The following NR2F2 variants were observed in gnomAD, a reference collection of about 807,000 sequenced individuals.
NR2F2 encodes COUP transcription factor 2.
Under a neutral mutation model 34.8 loss-of-function variants are expected in NR2F2, and 2 were observed. That is an observed-to-expected ratio of 0.06 (90% CI 0.02 to 0.18). The LOEUF is 0.18. NR2F2 is among the 10% of genes least tolerant of loss of function. The pLI, the probability that NR2F2 is intolerant of heterozygous loss-of-function variation, is 1.00. For missense variants in NR2F2, 300 were observed against 580.1 expected (o/e 0.52, Z 4.96); for synonymous variants, 274 against 251.8 (o/e 1.09, Z -0.84).
At chr15:96,329,839 A>G (rs913315660), upstream of NR2F2, among the ~76,000 whole-genome samples, 2 of 152,086 alleles carry the variant, frequency 1.3e-5, no homozygotes, top group African/African-American at 2.4e-5. Flanking sequence ...CATCATGACA[A>G]TCAGATGAAG....
intron 2 of NR2F2, among the ~76,000 whole-genome samples, chr15:96,335,641 G>C (rs752289724): frequency 5.9e-5 from 9 of 152,188 alleles, no homozygotes; most frequent in Non-Finnish European, 1.3e-4. Context: ...GACGTTAGCA[G>C]GGCTTGGAAC....
At chr15:96,336,857 G>A (rs1462736982) in intron 2 of NR2F2, among the ~76,000 whole-genome samples, 1 of 152,166 alleles carries the variant, frequency 6.6e-6, no homozygotes, top group Non-Finnish European at 1.5e-5. Context: ...GGGGGAATCT[G>A]AGGCTGGATC....
At chr15:96,326,513 A>G (rs1453589660), upstream of NR2F2, among the ~76,000 whole-genome samples, 1 of 150,382 alleles carries the variant, frequency 6.6e-6, no homozygotes, top group African/African-American at 2.5e-5. The surrounding 1 kb of genome is among the most constrained non-coding windows in gnomAD (Gnocchi z 5.5). Flanking sequence ...GGAAGGGGGG[A>G]TCAGAGTCAA....
At position 96,339,646 on chromosome 15, in the gene NR2F2, G is replaced by C. The variant is rs1899441417; in HGVS notation, c.*2024G>C. The C allele has an allele frequency of 6.7e-6, 1 of 150,250 alleles. No homozygotes were observed. 9.3% of individuals were successfully genotyped at this position (150,250 alleles called of 1,614,324 possible). On this transcript the variant is annotated 3_prime_UTR_variant, in exon 3 of 3. Transcript: ENST00000394166. The stretch of plus-strand genomic sequence containing the variant: ...GAAGAGAAAGCAGGACAGAGAAAAA[G>C]AAAGAAGGAAGGAGGGAAACTTTAC...
Position 96,337,305 on chromosome 15 carries a change from CTTT to C in NR2F2, c.971-40_971-38del, listed in dbSNP as rs756140438. 30 of 1,489,868 alleles carry C rather than the reference CTTT, an allele frequency of 2.0e-5. No homozygotes were observed. The African/African-American group carries it at 2.4e-4, about 12-fold the overall frequency. 92.3% of individuals were successfully genotyped at this position (1,489,868 alleles called of 1,614,324 possible). A position where few individuals can be genotyped will look rare whatever the true frequency, so the allele number is the denominator to read the frequency against. Reference sequence around the variant, plus strand: ...AATTCTTCTTCTTCTTCTTCTTCTTCTTTTTCTTCTTCTTCTTCTTCTGTTTTT... The same window carrying C: ...AATTCTTCTTCTTCTTCTTCTTCTTCTTCTTCTTCTTCTTCTTCTGTTTTT... On this transcript the variant is annotated intron_variant, in intron 2 of 2. Coordinates refer to ENST00000394166, the MANE Select transcript of NR2F2 (RefSeq NM_021005.4).
Position 96,338,480 on chromosome 15 carries a change from G to C in NR2F2, c.*858G>C, listed in dbSNP as rs1899399888. On this transcript the variant is annotated 3_prime_UTR_variant, in exon 3 of 3. Coordinates refer to ENST00000394166, the MANE Select transcript of NR2F2 (RefSeq NM_021005.4). Reference sequence around the variant, plus strand: ...ACTTTTGTAATTTGAATTGGGTCCCGCTTAGTTCTTGAATTGTTATGAAAA... The same window carrying C: ...ACTTTTGTAATTTGAATTGGGTCCCCCTTAGTTCTTGAATTGTTATGAAAA... 1 of 152,512 alleles carries C rather than the reference G, an allele frequency of 6.6e-6. No individual in the cohort carries two copies. The highest frequency in any genetic ancestry group is 1.5e-5 in the Non-Finnish European group (1 of 68,022). 9.4% of individuals were successfully genotyped at this position (152,512 alleles called of 1,614,324 possible).
chr15:96,331,271 C>G lies in NR2F2; in HGVS notation c.-835C>G. ...CGGAGAGAGCGAGGCGCGCGCCGGA[C>G]GCCCGGGGCAGGCGGCGGCGGCGGC... On this transcript the variant is annotated 5_prime_UTR_variant, in exon 1 of 3. Transcript: ENST00000394166. 14 of 1,005,570 alleles carry G rather than the reference C, an allele frequency of 1.4e-5. No homozygotes were observed. Among genetic ancestry groups the G allele is most frequent in the Non-Finnish European group, 1.5e-5 (13 of 845,146 alleles). 62.3% of individuals were successfully genotyped at this position (1,005,570 alleles called of 1,614,324 possible). A position where few individuals can be genotyped will look rare whatever the true frequency, so the allele number is the denominator to read the frequency against.
chr15:96,330,545 C>G (rs1050707697), upstream of NR2F2, among the ~76,000 whole-genome samples: 1 of 148,614 alleles, frequency 6.7e-6, no homozygotes, highest in Non-Finnish European at 1.5e-5. Context: ...CCGCCGCAGT[C>G]CGGCCAATGA....
At chr15:96,333,466 G>A (rs1249665627) in intron 1 of NR2F2, 1 of 1,003,040 alleles carries the variant, frequency 1.0e-6, no homozygotes, top group Non-Finnish European at 1.2e-6. Context: ...TCTCTCTTTA[G>A]CCGGCCTCTC....
At chr15:96,327,661 T>C (rs972039538), upstream of NR2F2, among the ~76,000 whole-genome samples, 2 of 152,090 alleles carry the variant, frequency 1.3e-5, no homozygotes, top group Non-Finnish European at 2.9e-5. Flanking sequence ...CGGACTAGAT[T>C]GAGGGAAAGG....
intron 2 of NR2F2, 65 bp downstream of exon 2, chr15:96,334,668 T>C: frequency 6.6e-7 from 1 of 1,511,966 alleles, no homozygotes; most frequent in Admixed American, 2.2e-5. Context: ...CCCAGAGAAC[T>C]TGGGAGTCCC....
At chr15:96,326,377 C>T (rs751185533), upstream of NR2F2, 99 of 1,594,986 alleles carry the variant, frequency 6.2e-5, no homozygotes, top group Middle Eastern at 1.7e-4. The surrounding 1 kb of genome is among the most constrained non-coding windows in gnomAD (Gnocchi z 5.5). Context: ...AGTATTTTTT[C>T]TCTCTCTCTT....
upstream of NR2F2, among the ~76,000 whole-genome samples, chr15:96,329,671 G>A (rs899596619): frequency 1.3e-5 from 2 of 152,156 alleles, no homozygotes; most frequent in Admixed American, 1.3e-4. Context: ...TGTACAGAGG[G>A]TGTGCACAGG....
rs1235506919 is a variant in NR2F2 at position 96,340,016 on chromosome 15, T to C, written c.*2394T>C. On this transcript the variant is annotated 3_prime_UTR_variant, in exon 3 of 3. Coordinates refer to ENST00000394166, the MANE Select transcript of NR2F2 (RefSeq NM_021005.4). ...ACTCTCACTTATTTCTGTAGATATA[T>C]ACATATATAAATACAAGTATGTTCT... The C allele has an allele frequency of 4.6e-5, 7 of 152,268 alleles. No individual in the cohort carries two copies. Among genetic ancestry groups the C allele is most frequent in the Admixed American group, 1.3e-4 (2 of 15,288 alleles). The allele number at this position is 152,268 out of a possible 1,614,324, so 9.4% of individuals were successfully genotyped here.
chr15:96,331,483 C>A lies in NR2F2; in HGVS notation c.-623C>A. On this transcript the variant is annotated 5_prime_UTR_variant, in exon 1 of 3. Transcript: ENST00000394166. ...TAGTCCTCCTGATTTCGATGGCTTT[C>A]CTGAATGGCTGACTGTGGGCTGCCC... 8.1e-7 allele frequency: 1 copy of A among 1,231,046 alleles called. No homozygotes were observed. Among genetic ancestry groups the A allele is most frequent in the Non-Finnish European group, 1.0e-6 (1 of 987,748 alleles). 76.3% of individuals were successfully genotyped at this position (1,231,046 alleles called of 1,614,324 possible). A position where few individuals can be genotyped will look rare whatever the true frequency, so the allele number is the denominator to read the frequency against.
upstream of NR2F2, among the ~76,000 whole-genome samples, chr15:96,329,312 T>C (rs556975719): frequency 8.0e-4 from 122 of 152,368 alleles, 1 homozygote; most frequent in African/African-American, 2.8e-3. Context: ...AGAGCAATTC[T>C]ACATGTTTGA....
chr15:96,331,708 C>A lies in NR2F2; in HGVS notation c.-398C>A. ...TTGGAGAGATTTTTTTTTTTGCCTC[C>A]TACTTCTGTCTTGAAGCCAGACAAT... On this transcript the variant is annotated 5_prime_UTR_variant, in exon 1 of 3. Transcript: ENST00000394166. 1 of 1,030,068 alleles carries A rather than the reference C, an allele frequency of 9.7e-7. No individual in the cohort carries two copies. The highest frequency in any genetic ancestry group is 1.2e-6 in the Non-Finnish European group (1 of 809,562). 63.8% of individuals were successfully genotyped at this position (1,030,068 alleles called of 1,614,324 possible).
intron 1 of NR2F2, chr15:96,333,791 C>CG: frequency 7.2e-7 from 1 of 1,386,854 alleles, no homozygotes; most frequent in Non-Finnish European, 9.3e-7. Flanking sequence ...CCCACAGCGC[C>CG]GGGGACCCCG....
chr15:96,334,351 G>A lies in NR2F2; in HGVS notation c.718G>A (p.Asp240Asn). 1 of 1,614,192 alleles carries A rather than the reference G, an allele frequency of 6.2e-7. No individual in the cohort carries two copies. Among genetic ancestry groups the A allele is most frequent in the Non-Finnish European group, 8.5e-7 (1 of 1,180,044 alleles). The part of the protein sequence containing the change: ...IPFFPDLQIT[D>N]QVALLRLTWS... Reference sequence around the variant, plus strand: ...CTTCTTCCCCGACCTGCAGATCACGGACCAGGTGGCCCTGCTTCGCCTCAC... The same window carrying A: ...CTTCTTCCCCGACCTGCAGATCACGAACCAGGTGGCCCTGCTTCGCCTCAC... Residue 240 changes from aspartate (D) to asparagine (N), a missense_variant, in exon 2 of 3, where the codon GAC (aspartate) becomes AAC (asparagine). Coordinates refer to ENST00000394166, the MANE Select transcript of NR2F2 (RefSeq NM_021005.4).
Sources: gnomAD v4.1 joint callset for allele counts (sites outside exome capture counted in the v4.1 genomes callset) on GRCh38, gnomAD v4.1.1 for gene constraint, Gnocchi (gnomAD v3.1) non-coding constraint, MANE v1.5 for transcripts, NCBI Gene and HGNC (gene_info 2026-07-23, HGNC 2026-07-21) for gene names.